The following NELL1 variants were observed in gnomAD, a reference collection of about 807,000 sequenced individuals.
The protein encoded by NELL1 is neural EGFL like 1.
A neutral mutation model predicts 107.4 loss-of-function variants in NELL1; 76 were observed. That is an observed-to-expected ratio of 0.71 (90% CI 0.59 to 0.86). The LOEUF is 0.86. Ranked by LOEUF, NELL1 falls within the 40% of genes least tolerant of loss-of-function variation. NELL1 has a pLI of 0.00. For missense variants in NELL1, 1,024 were observed against 1,005.5 expected (o/e 1.02, Z -0.25); for synonymous variants, 353 against 341.2 (o/e 1.03, Z -0.38).
chr11:21,377,182 T>A (rs1851500842), intron 15 of NELL1, among the ~76,000 whole-genome samples: 1 of 152,096 alleles, frequency 6.6e-6, no homozygotes, highest in Non-Finnish European at 1.5e-5. Flanking sequence ...GCTGTGGATT[T>A]GTCATAGATG....
At chr11:21,160,369 T>C (rs1856336128) in intron 13 of NELL1, among the ~76,000 whole-genome samples, 1 of 152,210 alleles carries the variant, frequency 6.6e-6, no homozygotes, top group Middle Eastern at 3.2e-3. Context: ...CTACTATTTG[T>C]AAAGATACCA....
At chr11:20,762,874 T>G (rs1856453063) in intron 2 of NELL1, among the ~76,000 whole-genome samples, 2 of 152,134 alleles carry the variant, frequency 1.3e-5, no homozygotes, top group Non-Finnish European at 2.9e-5. Flanking sequence ...AGGAAAAACT[T>G]AAAAGTATAC....
rs535121122 is a variant in NELL1 at position 21,373,416 on chromosome 11, G to A, written c.1645+2468G>A. Among the ~76,000 whole-genome samples, 117 of 152,180 alleles carry A rather than the reference G, an allele frequency of 7.7e-4. 4 individuals are homozygous for A. In the South Asian group the frequency reaches 0.024, roughly 31 times the overall value. On this transcript the variant is annotated intron_variant, in intron 15 of 19. Coordinates refer to ENST00000357134, the MANE Select transcript of NELL1 (RefSeq NM_006157.5). ...AATGCAAATGAATTGTGAATGTCTT[G>A]TGGCATGATTACACTAAATCTTTCA... is the stretch of plus-strand genomic sequence containing the variant.
chr11:21,078,143 C>T (rs1854185206), intron 12 of NELL1, among the ~76,000 whole-genome samples: 1 of 151,698 alleles, frequency 6.6e-6, no homozygotes, highest in African/African-American at 2.4e-5. Flanking sequence ...CTCAAAGAAA[C>T]AAAAATCTAG....
At chr11:21,150,547 T>G (rs1458822253) in intron 13 of NELL1, among the ~76,000 whole-genome samples, 1 of 152,164 alleles carries the variant, frequency 6.6e-6, no homozygotes, top group Admixed American at 6.6e-5. Context: ...TGACTGTTAC[T>G]TTTGCCGCAC....
intron 4 of NELL1, among the ~76,000 whole-genome samples, chr11:20,873,301 T>G (rs555818987): frequency 6.6e-6 from 1 of 152,294 alleles, no homozygotes; most frequent in African/African-American, 2.4e-5. Context: ...CCTCTCTTCC[T>G]ATAAGATTGT....
At chr11:21,513,194 A>G (rs1338281687) in intron 15 of NELL1, among the ~76,000 whole-genome samples, 1 of 152,214 alleles carries the variant, frequency 6.6e-6, no homozygotes, top group East Asian at 1.9e-4. Context: ...ACTACCCTCC[A>G]GCACCATTTT....
chr11:21,055,509 C>T (rs1311792715), intron 12 of NELL1, among the ~76,000 whole-genome samples: 1 of 152,130 alleles, frequency 6.6e-6, no homozygotes, highest in African/African-American at 2.4e-5. Context: ...TTTTTATAGA[C>T]CTTACATAAT....
chr11:21,399,163 A>C (rs1852042623), intron 15 of NELL1, among the ~76,000 whole-genome samples: 1 of 151,818 alleles, frequency 6.6e-6, no homozygotes, highest in Admixed American at 6.6e-5. Flanking sequence ...TGGTAATGGA[A>C]TATGGTAATG....
At chr11:21,175,304 C>G (rs1452662005) in intron 13 of NELL1, among the ~76,000 whole-genome samples, 1 of 151,708 alleles carries the variant, frequency 6.6e-6, no homozygotes, top group Non-Finnish European at 1.5e-5. Context: ...CAATTCTAAC[C>G]ATTCTTCAAT....
intron 14 of NELL1, among the ~76,000 whole-genome samples, chr11:21,300,849 ACC>A (rs1334352449): frequency 6.2e-4 from 94 of 152,134 alleles, no homozygotes; most frequent in African/African-American, 2.2e-3. Flanking sequence ...GGCATGCTGT[ACC>A]CATTAACTTG....
chr11:21,121,744 C>T (rs1855372801), intron 13 of NELL1, among the ~76,000 whole-genome samples: 1 of 152,088 alleles, frequency 6.6e-6, no homozygotes, highest in Non-Finnish European at 1.5e-5. Context: ...GACTTCTCTA[C>T]CTGTCACATA....
chr11:21,053,008 A>G (rs1033330221), intron 12 of NELL1, among the ~76,000 whole-genome samples: 13 of 152,104 alleles, frequency 8.5e-5, no homozygotes, highest in African/African-American at 3.1e-4. Flanking sequence ...TGTGTTTGAT[A>G]TTAGACCACC....
At chr11:21,139,025 C>A (rs767763668) in intron 13 of NELL1, among the ~76,000 whole-genome samples, 4 of 152,086 alleles carry the variant, frequency 2.6e-5, no homozygotes, top group African/African-American at 4.8e-5. Context: ...ACAAGTGGAA[C>A]GTATTGAGGG....
intron 2 of NELL1, chr11:20,769,560 A>G (rs1162801935): frequency 6.6e-6 from 1 of 152,296 alleles, no homozygotes; most frequent in African/African-American, 2.4e-5. Flanking sequence ...CCTGGCACAG[A>G]GAACATACTC....
intron 13 of NELL1, among the ~76,000 whole-genome samples, chr11:21,229,023 C>A (rs142574958): frequency 5.7e-4 from 86 of 152,072 alleles, no homozygotes; most frequent in South Asian, 1.5e-3. Flanking sequence ...AGAACCATTA[C>A]CTTGGAATCT....
At chr11:21,403,484 C>T (rs1852147253) in intron 15 of NELL1, among the ~76,000 whole-genome samples, 1 of 147,780 alleles carries the variant, frequency 6.8e-6, no homozygotes, top group Non-Finnish European at 1.5e-5. Context: ...ACGTTATGAC[C>T]CTGTCTTTCA....
At chr11:21,241,554 T>A (rs1231650810) in intron 14 of NELL1, among the ~76,000 whole-genome samples, 1 of 152,104 alleles carries the variant, frequency 6.6e-6, no homozygotes, top group African/African-American at 2.4e-5. Context: ...CAGGTCTTTT[T>A]TAAGGCAACA....
At chr11:21,140,191 G>A (rs895081275) in intron 13 of NELL1, among the ~76,000 whole-genome samples, 5 of 152,094 alleles carry the variant, frequency 3.3e-5, no homozygotes, top group African/African-American at 9.7e-5. Context: ...ATATCTCAAA[G>A]CACCTGGGCT....
Sources: gnomAD v4.1 joint callset for allele counts (sites outside exome capture counted in the v4.1 genomes callset) on GRCh38, gnomAD v4.1.1 for gene constraint, MANE v1.5 for transcripts, NCBI Gene and HGNC (gene_info 2026-07-23, HGNC 2026-07-21) for gene names.